NETO1: variants seen among roughly 807,000 people sequenced by gnomAD.
The protein encoded by NETO1 is neuropilin and tolloid like 1.
Under a neutral mutation model 61.3 loss-of-function variants are expected in NETO1, and 26 were observed. That is an observed-to-expected ratio of 0.42 (90% CI 0.31 to 0.59). The LOEUF is 0.59. Among genes scored for constraint, NETO1 ranks in the 20% least tolerant of loss-of-function variants. The pLI is 0.12. For missense variants in NETO1, 531 were observed against 662.8 expected, an observed-to-expected ratio of 0.80 and a Z score of 2.18; for synonymous variants, 225 against 225.8, an observed-to-expected ratio of 1.00 and a Z score of 0.03.
intron 4 of NETO1, among the ~76,000 whole-genome samples, chr18:72,823,546 C>A (rs531476670): frequency 1.3e-5 from 2 of 152,002 alleles, no homozygotes; most frequent in African/African-American, 2.4e-5. Flanking sequence ...CATCAGTGAA[C>A]CCCGAGTGGC....
intron 1 of NETO1, 131 bp downstream of exon 1, chr18:72,867,133 G>A: frequency 7.9e-6 from 5 of 631,414 alleles, no homozygotes; most frequent in Non-Finnish European, 1.2e-5. Context: ...GTTTACGTCG[G>A]CCCCGACCCG....
chr18:72,825,888 A>G lies in NETO1; in HGVS notation c.470-31484T>C, dbSNP rs2073356530. On this transcript the variant is annotated intron_variant, in intron 4 of 10. Coordinates refer to ENST00000327305, the MANE Select transcript of NETO1 (RefSeq NM_138966.5). Reference sequence around the variant, plus strand: ...AAAATAAAATGTGATTTAAAACACTAGATTTTTTTAGTAAGTGTTGAGATT... The same window carrying G: ...AAAATAAAATGTGATTTAAAACACTGGATTTTTTTAGTAAGTGTTGAGATT... 2.6e-5 allele frequency among the ~76,000 whole-genome samples: 4 copies of G among 152,198 alleles called. No individual in the cohort carries two copies. The South Asian group carries it at 8.3e-4, about 31-fold the overall frequency.
chr18:72,858,201 G>T (rs2074463224), intron 4 of NETO1, among the ~76,000 whole-genome samples: 1 of 152,206 alleles, frequency 6.6e-6, no homozygotes, highest in East Asian at 1.9e-4. Flanking sequence ...AACAACACAG[G>T]ATCTTTTTAA....
Position 72,771,940 on chromosome 18 carries a change from T to C in NETO1, c.868+11738A>G, listed in dbSNP as rs560240803. ...TGTCAGAAGTCCAGGCAGGGCTCAATTGGGTTCTTTCCTTTGGGTCTCTGA... is the reference window on the plus strand; with the variant it reads ...TGTCAGAAGTCCAGGCAGGGCTCAACTGGGTTCTTTCCTTTGGGTCTCTGA... On this transcript the variant is annotated intron_variant, in intron 7 of 10. Transcript: ENST00000327305. Among the ~76,000 whole-genome samples the C allele has an allele frequency of 3.3e-5, 5 of 152,234 alleles. No individual in the cohort carries two copies. In the South Asian group the frequency reaches 8.3e-4, roughly 25 times the overall value.
intron 1 of NETO1, 179 bp downstream of exon 1, chr18:72,867,085 G>T (rs2074761291): frequency 2.1e-6 from 1 of 485,150 alleles, no homozygotes; most frequent in South Asian, 4.6e-5. Context: ...ACCGCGCGCC[G>T]CCCCCACGCC....
At chr18:72,810,139 A>T (rs565481790) in intron 4 of NETO1, among the ~76,000 whole-genome samples, 164 of 152,338 alleles carry the variant, frequency 1.1e-3, no homozygotes, top group South Asian at 0.01. Flanking sequence ...AATATCAAGT[A>T]ATCTTGGTCC....
At chr18:72,763,591 ACACT>A (rs2071051506) in intron 7 of NETO1, among the ~76,000 whole-genome samples, 1 of 134,606 alleles carries the variant, frequency 7.4e-6, no homozygotes, top group African/African-American at 2.5e-5. Context: ...CACCACACAC[ACACT>A]CACAAACACA....
intron 7 of NETO1, among the ~76,000 whole-genome samples, chr18:72,768,343 G>T (rs1378947791): frequency 2.0e-5 from 3 of 152,066 alleles, no homozygotes; most frequent in Non-Finnish European, 2.9e-5. Context: ...CTTGTGTTAA[G>T]ATGTATCTTT....
At chr18:72,770,979 A>G (rs1365388035) in intron 7 of NETO1, among the ~76,000 whole-genome samples, 1 of 152,188 alleles carries the variant, frequency 6.6e-6, no homozygotes, top group East Asian at 1.9e-4. Flanking sequence ...TAAATCTGAA[A>G]GAAGTTAAAA....
intron 4 of NETO1, among the ~76,000 whole-genome samples, chr18:72,816,124 A>C (rs1244514058): frequency 2.1e-5 from 3 of 145,260 alleles, no homozygotes; most frequent in Non-Finnish European, 4.5e-5. Flanking sequence ...GCAATTCTCT[A>C]TCTCTCCAGC....
At chr18:72,860,745 T>TA (rs1313994847) in intron 3 of NETO1, among the ~76,000 whole-genome samples, 1 of 135,894 alleles carries the variant, frequency 7.4e-6, no homozygotes, top group African/African-American at 2.7e-5. Flanking sequence ...TTTTTTCTTT[T>TA]CTTTTTTTTG....
At chr18:72,766,218 ATATGTGTGTG>A (rs755812072) in intron 7 of NETO1, among the ~76,000 whole-genome samples, 1 of 75,300 alleles carries the variant, frequency 1.3e-5, no homozygotes, top group African/African-American at 4.6e-5. Flanking sequence ...AAAAAAAAAA[ATATGTGTGTG>A]TGTGTGTGTG....
chr18:72,805,037 C>G (rs887179872), intron 4 of NETO1, among the ~76,000 whole-genome samples: 1 of 152,080 alleles, frequency 6.6e-6, no homozygotes, highest in East Asian at 1.9e-4. Context: ...ACATTTTTAT[C>G]AAATAAATGA....
intron 4 of NETO1, among the ~76,000 whole-genome samples, chr18:72,807,298 T>C (rs2072705496): frequency 6.6e-6 from 1 of 152,188 alleles, no homozygotes; most frequent in South Asian, 2.1e-4. Context: ...TTAACATAAA[T>C]TTTATTCATA....
chr18:72,806,679 G>A (rs147354224), intron 4 of NETO1, among the ~76,000 whole-genome samples: 347 of 152,050 alleles, frequency 2.3e-3, no homozygotes, highest in Middle Eastern at 0.01. Flanking sequence ...ATAACACAAC[G>A]CAAACTCCTC....
At chr18:72,766,724 G>A (rs1310258274) in intron 7 of NETO1, among the ~76,000 whole-genome samples, 1 of 152,008 alleles carries the variant, frequency 6.6e-6, no homozygotes, top group Non-Finnish European at 1.5e-5. Context: ...TATTCTTACT[G>A]TTCTGAGAGA....
chr18:72,817,260 C>T (rs1005544291), intron 4 of NETO1, among the ~76,000 whole-genome samples: 45 of 152,248 alleles, frequency 3.0e-4, no homozygotes, highest in African/African-American at 1.1e-3. Context: ...GCAAACATAC[C>T]GTGAAGAAAT....
At chr18:72,823,925 C>T (rs2073291549) in intron 4 of NETO1, among the ~76,000 whole-genome samples, 1 of 152,086 alleles carries the variant, frequency 6.6e-6, no homozygotes, top group African/African-American at 2.4e-5. Flanking sequence ...GCTCCCGATA[C>T]ACAATGTCCT....
At chr18:72,797,134 C>G (rs1245379377) in intron 4 of NETO1, among the ~76,000 whole-genome samples, 1 of 152,052 alleles carries the variant, frequency 6.6e-6, no homozygotes, top group Non-Finnish European at 1.5e-5. Context: ...TAATTATATT[C>G]ATAATTAATA....
Sources: gnomAD v4.1 joint callset for allele counts (sites outside exome capture counted in the v4.1 genomes callset) on GRCh38, gnomAD v4.1.1 for gene constraint, MANE v1.5 for transcripts, NCBI Gene and HGNC (gene_info 2026-07-23, HGNC 2026-07-21) for gene names.